The following SORCS1 variants were observed in gnomAD, a reference collection of about 807,000 sequenced individuals.
The protein encoded by SORCS1 is sortilin related VPS10 domain containing receptor 1, also known as VPS10 domain-containing receptor SorCS1.
Under a neutral mutation model 146.1 loss-of-function variants are expected in SORCS1, and 60 were observed. That is an observed-to-expected ratio of 0.41 (90% confidence interval 0.33 to 0.51). SORCS1 has a LOEUF of 0.51. Ranked by LOEUF, SORCS1 falls within the 20% of genes least tolerant of loss-of-function variation. The pLI, the probability that SORCS1 is intolerant of heterozygous loss-of-function variation, is 0.21. For synonymous variants in SORCS1, 637 were observed against 584.0 expected, an observed-to-expected ratio of 1.09 and a Z score of -1.31; for missense variants, 1,352 against 1,487.6, an observed-to-expected ratio of 0.91 and a Z score of 1.50.
At chr10:106,653,776 G>A (rs1353495167) in intron 17 of SORCS1, among the ~76,000 whole-genome samples, 2 of 152,072 alleles carry the variant, frequency 1.3e-5, no homozygotes, top group African/African-American at 4.8e-5. Flanking sequence ...GAATTAAATG[G>A]GTTAATGTAC....
In SORCS1 at chr10:106,819,217, G is replaced by A. The variant is rs76463065; in HGVS notation, c.726+10357C>T. 9.8e-4 allele frequency among the ~76,000 whole-genome samples: 149 copies of A among 152,254 alleles called. 1 individual carries two copies. In the East Asian group the frequency reaches 0.028, roughly 28 times the overall value. On this transcript the variant is annotated intron_variant, in intron 3 of 25. Coordinates refer to ENST00000263054, the MANE Select transcript of SORCS1 (RefSeq NM_052918.5). ...TCTTTATTTCCCATAACTACTTTAG[G>A]ATGTTGACACAATCATTATATTTTA...
chr10:106,928,228 G>A (rs940904015), intron 2 of SORCS1, among the ~76,000 whole-genome samples: 1 of 152,252 alleles, frequency 6.6e-6, no homozygotes, highest in Non-Finnish European at 1.5e-5. Flanking sequence ...ATGGTGGGCT[G>A]CAGGTCCCCA....
intron 3 of SORCS1, among the ~76,000 whole-genome samples, chr10:106,785,746 T>C (rs1350040804): frequency 6.6e-6 from 1 of 152,170 alleles, no homozygotes; most frequent in Non-Finnish European, 1.5e-5. Context: ...TATACAGGAT[T>C]TGCAGATTAG....
intron 1 of SORCS1, among the ~76,000 whole-genome samples, chr10:106,993,142 T>C (rs1167865376): frequency 6.6e-6 from 1 of 152,160 alleles, no homozygotes; most frequent in Non-Finnish European, 1.5e-5. Flanking sequence ...GCCTGGCTAA[T>C]TTCTTACAGG....
intron 19 of SORCS1, among the ~76,000 whole-genome samples, chr10:106,627,419 A>G (rs1439837866): frequency 6.6e-6 from 1 of 152,232 alleles, no homozygotes. Context: ...ATAAGCTATG[A>G]GATAATAATA....
At chr10:106,671,072 C>T (rs1851559603) in intron 16 of SORCS1, among the ~76,000 whole-genome samples, 165 bp downstream of exon 16, 2 of 152,160 alleles carry the variant, frequency 1.3e-5, no homozygotes, top group African/African-American at 4.8e-5. Flanking sequence ...GATTATCCCA[C>T]ATACACATAC....
intron 1 of SORCS1, among the ~76,000 whole-genome samples, chr10:106,962,308 T>A (rs745965241): frequency 2.7e-5 from 4 of 148,372 alleles, no homozygotes; most frequent in African/African-American, 1.0e-4. Context: ...TGAGGCAGAA[T>A]TGCTTGAACC....
At chr10:107,011,304 C>T (rs868037141) in intron 1 of SORCS1, among the ~76,000 whole-genome samples, 4 of 152,180 alleles carry the variant, frequency 2.6e-5, no homozygotes, top group Non-Finnish European at 4.4e-5. Context: ...TATGCCAATG[C>T]CGCCTCCTAT....
intron 19 of SORCS1, among the ~76,000 whole-genome samples, chr10:106,628,270 C>G (rs1022306138): frequency 2.6e-5 from 4 of 152,188 alleles, no homozygotes; most frequent in Non-Finnish European, 5.9e-5. Context: ...CACTGGACCA[C>G]AGCAGCTAAA....
intron 3 of SORCS1, among the ~76,000 whole-genome samples, chr10:106,823,948 G>A (rs1289544543): frequency 3.3e-5 from 5 of 152,132 alleles, no homozygotes; most frequent in South Asian, 4.1e-4. Flanking sequence ...TCAATGATAC[G>A]TGATTCTTCC....
intron 1 of SORCS1, among the ~76,000 whole-genome samples, chr10:107,029,795 C>T (rs900116091): frequency 1.3e-5 from 2 of 152,206 alleles, no homozygotes; most frequent in African/African-American, 4.8e-5. Context: ...TTTCTCACTC[C>T]TATCCAAGTT....
At chr10:106,593,595 C>T (rs1845740863) in intron 24 of SORCS1, among the ~76,000 whole-genome samples, 1 of 152,218 alleles carries the variant, frequency 6.6e-6, no homozygotes, top group African/African-American at 2.4e-5. Flanking sequence ...TATATCTACT[C>T]CAGTTGCTGA....
chr10:106,952,557 T>TTATATTATATTA (rs1388332741), intron 2 of SORCS1, among the ~76,000 whole-genome samples: 1 of 147,684 alleles, frequency 6.8e-6, no homozygotes, highest in Non-Finnish European at 1.5e-5. Flanking sequence ...TTATATTATA[T>TTATATTATATTA]TATATTATAT....
At chr10:106,744,087 C>T (rs1283548100) in intron 5 of SORCS1, among the ~76,000 whole-genome samples, 3 of 151,992 alleles carry the variant, frequency 2.0e-5, no homozygotes, top group Admixed American at 6.6e-5. Context: ...TAATATCTAT[C>T]GTTTTACTTT....
chr10:106,780,781 G>A (rs766655234), intron 3 of SORCS1, among the ~76,000 whole-genome samples: 5 of 152,054 alleles, frequency 3.3e-5, no homozygotes, highest in Non-Finnish European at 7.4e-5. Flanking sequence ...TGCCTTGCAG[G>A]GTGTGCCGAC....
chr10:106,879,012 T>C (rs78310191), intron 2 of SORCS1, among the ~76,000 whole-genome samples: 3,538 of 151,514 alleles, frequency 0.023, 130 homozygotes, highest in African/African-American at 0.08. Flanking sequence ...TAGCCGGACA[T>C]GGTGGTGGGC....
At chr10:106,588,729 C>T (rs1169247695) in intron 24 of SORCS1, among the ~76,000 whole-genome samples, 1 of 151,692 alleles carries the variant, frequency 6.6e-6, no homozygotes, top group African/African-American at 2.4e-5. Flanking sequence ...GGCGTGGTGG[C>T]AGGTGCCTGC....
intron 3 of SORCS1, among the ~76,000 whole-genome samples, chr10:106,793,426 G>T (rs774275795): frequency 1.3e-5 from 2 of 152,128 alleles, no homozygotes; most frequent in Non-Finnish European, 2.9e-5. Flanking sequence ...CAGGTAAAGC[G>T]ATTTTGACTA....
intron 2 of SORCS1, among the ~76,000 whole-genome samples, chr10:106,872,844 A>C (rs1257946114): frequency 2.6e-5 from 4 of 152,174 alleles, no homozygotes; most frequent in African/African-American, 9.7e-5. Flanking sequence ...AAAGAAAATA[A>C]TGGAAAGTAA....
Sources: gnomAD v4.1 joint callset for allele counts (sites outside exome capture counted in the v4.1 genomes callset) on GRCh38, gnomAD v4.1.1 for gene constraint, MANE v1.5 for transcripts, NCBI Gene and HGNC (gene_info 2026-07-23, HGNC 2026-07-21) for gene names.